The following TINAG variants were observed in gnomAD, a reference collection of about 807,000 sequenced individuals.
The protein encoded by TINAG is tubulointerstitial nephritis antigen.
Under a neutral mutation model 72.7 loss-of-function variants are expected in TINAG, and 83 were observed. The ratio of observed to expected loss-of-function variants is 1.14; its 90% CI spans 0.96 to 1.37. TINAG has a LOEUF of 1.37. Ranked by LOEUF, TINAG falls within the 40% of genes most tolerant of loss-of-function variation. The pLI is 0.00. For missense variants in TINAG, 685 were observed against 576.6 expected (o/e 1.19, Z -1.93); for synonymous variants, 234 against 189.9 (o/e 1.23, Z -1.91).
At chr6:54,338,223 G>A (rs1029236243) in intron 4 of TINAG, among the ~76,000 whole-genome samples, 1 of 152,102 alleles carries the variant, frequency 6.6e-6, no homozygotes, top group Non-Finnish European at 1.5e-5. Flanking sequence ...ACTATGGCTT[G>A]AACAACACAG....
intron 10 of TINAG, among the ~76,000 whole-genome samples, chr6:54,386,412 G>A (rs1409319404): frequency 2.0e-5 from 3 of 152,118 alleles, no homozygotes; most frequent in Non-Finnish European, 1.5e-5. Context: ...CCTTTCTGGA[G>A]CTTACAGCCC....
chr6:54,353,831 T>C (rs1025751793), intron 8 of TINAG, among the ~76,000 whole-genome samples: 4 of 151,840 alleles, frequency 2.6e-5, no homozygotes, highest in African/African-American at 9.7e-5. Context: ...TTCAAATTCA[T>C]ATCTTCTATA....
intron 5 of TINAG, among the ~76,000 whole-genome samples, chr6:54,344,186 A>G (rs974793818): frequency 1.5e-4 from 23 of 152,212 alleles, no homozygotes; most frequent in African/African-American, 5.5e-4. Flanking sequence ...GTGAACAAGT[A>G]CATAGGCTGT....
At chr6:54,333,281 T>C (rs1377401635) in intron 4 of TINAG, among the ~76,000 whole-genome samples, 1 of 152,134 alleles carries the variant, frequency 6.6e-6, no homozygotes, top group Admixed American at 6.6e-5. Flanking sequence ...TGGAATACTA[T>C]GCAGCCATAA....
chr6:54,354,887 G>A (rs1265503213), intron 9 of TINAG, among the ~76,000 whole-genome samples: 2 of 151,636 alleles, frequency 1.3e-5, no homozygotes, highest in African/African-American at 2.4e-5. Context: ...CCGTTCTAAG[G>A]GCAAAGAACA....
intron 4 of TINAG, among the ~76,000 whole-genome samples, chr6:54,336,329 A>G (rs184850448): frequency 6.6e-6 from 1 of 152,156 alleles, no homozygotes; most frequent in Non-Finnish European, 1.5e-5. Flanking sequence ...AGGCAAGTTA[A>G]TGTGGTAAGG....
chr6:54,387,331 T>G (rs1427818206), intron 10 of TINAG, among the ~76,000 whole-genome samples: 1 of 152,186 alleles, frequency 6.6e-6, no homozygotes, highest in Non-Finnish European at 1.5e-5. Flanking sequence ...CCGCTACTTA[T>G]GTTCATCATG....
At chr6:54,385,818 G>C (rs1428232257) in intron 10 of TINAG, among the ~76,000 whole-genome samples, 1 of 144,446 alleles carries the variant, frequency 6.9e-6, no homozygotes, top group Non-Finnish European at 1.5e-5. Context: ...TTGGTTTCAA[G>C]TACTAAAATC....
chr6:54,338,029 C>G (rs949710428), intron 4 of TINAG, among the ~76,000 whole-genome samples: 6 of 152,196 alleles, frequency 3.9e-5, no homozygotes, highest in African/African-American at 1.4e-4. Flanking sequence ...TTTACTACTT[C>G]TGTCTCTCTC....
At position 54,389,918 on chromosome 6, in the gene TINAG, A is replaced by T; in HGVS notation, c.1424A>T (p.Glu475Val). 6.2e-7 allele frequency: 1 copy of T among 1,610,066 alleles called. No individual in the cohort carries two copies. Among genetic ancestry groups the T allele is most frequent in the Non-Finnish European group, 8.5e-7 (1 of 1,178,578 alleles). Residue 475 changes from glutamate (E) to valine (V), a missense_variant, in exon 11 of 11, where the codon GAA (glutamate) becomes GTA (valine). Glu to Val is a moderately radical substitution (Grantham distance 121, BLOSUM62 -2). Transcript: ENST00000259782. ...AAWGQLTSSD[E>V]P is the part of the protein sequence containing the mutation. The stretch of plus-strand genomic sequence containing the variant: ...TGGGGCCAACTGACGAGTTCTGATG[A>T]ACCATAACATATCATTAAATTTCCA...
At chr6:54,311,527 A>C (rs1784258321) in intron 1 of TINAG, among the ~76,000 whole-genome samples, 1 of 152,220 alleles carries the variant, frequency 6.6e-6, no homozygotes, top group Non-Finnish European at 1.5e-5. Flanking sequence ...CGTCTCTAAC[A>C]ATTAGTATTA....
In TINAG at chr6:54,354,533, G is replaced by T. The variant is rs750850534; in HGVS notation, c.1147G>T (p.Asp383Tyr). 1.9e-5 allele frequency: 31 copies of T among 1,605,912 alleles called. No homozygotes were observed. Among genetic ancestry groups the T allele is most frequent in the African/African-American group, 2.7e-5 (2 of 74,324 alleles). Residue 383 changes from aspartate to tyrosine, a missense_variant, in exon 9 of 11, where the codon GAT becomes TAT. Physicochemically the swap from Asp to Tyr is radical, Grantham distance 160. Coordinates refer to ENST00000259782, the MANE Select transcript of TINAG (RefSeq NM_014464.4). ...PVQAIMQVRE[D>Y]FFHYKTGIYR... ...TTTAGCCATAATGCAAGTCCGTGAA[G>T]ATTTCTTCCATTATAAGACAGGGAT...
chr6:54,343,751 AAC>A (rs10558705), intron 5 of TINAG, among the ~76,000 whole-genome samples: 12,461 of 152,042 alleles, frequency 0.082, 889 homozygotes, highest in East Asian at 0.29. Context: ...GATTTGCAAA[AAC>A]AGTTATTAAT....
intron 4 of TINAG, among the ~76,000 whole-genome samples, chr6:54,333,959 C>T (rs1784802898): frequency 6.6e-6 from 1 of 152,142 alleles, no homozygotes; most frequent in African/African-American, 2.4e-5. Context: ...TGGCAAACTC[C>T]TTTGTAAAAT....
chr6:54,368,228 CAT>C lies in TINAG; in HGVS notation c.1251-12295_1251-12294del, dbSNP rs761372351. Among the ~76,000 whole-genome samples the C allele has an allele frequency of 1.1e-4, 16 of 147,112 alleles. No homozygotes were observed. In the South Asian group the frequency reaches 2.1e-3, roughly 19 times the overall value. ...ATATATTATACTAAATATTATGTTA[CAT>C]ATGTTATAATATACAACATATAATA... On this transcript the variant is annotated intron_variant, in intron 9 of 10. Coordinates refer to ENST00000259782, the MANE Select transcript of TINAG (RefSeq NM_014464.4).
At chr6:54,320,669 G>T in intron 2 of TINAG, 27 bp downstream of exon 2, 1 of 1,553,552 alleles carries the variant, frequency 6.4e-7, no homozygotes, top group South Asian at 1.2e-5. Flanking sequence ...GCACAGAACT[G>T]AGTTCTACTG....
At chr6:54,369,285 A>T (rs1346338668) in intron 9 of TINAG, among the ~76,000 whole-genome samples, 3 of 151,900 alleles carry the variant, frequency 2.0e-5, no homozygotes, top group African/African-American at 7.2e-5. Flanking sequence ...TGATAGTGAA[A>T]ATTAGTATAA....
Position 54,327,671 on chromosome 6 carries a change from C to T in TINAG, c.624+755C>T, listed in dbSNP as rs994095791. On this transcript the variant is annotated intron_variant, in intron 4 of 10. Transcript: ENST00000259782. ...AAGTGGTCTGGCTCAGCATATCCCA[C>T]CCCCGCAGAGCCCAGCAAACTAAGA... Among the ~76,000 whole-genome samples, 6 of 152,064 alleles carry T rather than the reference C, an allele frequency of 3.9e-5. 1 individual carries two copies. Among genetic ancestry groups the T allele is most frequent in the Non-Finnish European group, 8.8e-5 (6 of 68,020 alleles).
At chr6:54,360,533 ATGCCCATTAGAATT>A (rs1279285972) in intron 9 of TINAG, among the ~76,000 whole-genome samples, 1 of 151,614 alleles carries the variant, frequency 6.6e-6, no homozygotes, top group Non-Finnish European at 1.5e-5. Context: ...CCACATCTCC[ATGCCCATTAGAATT>A]TGCCCTGTGT....
Sources: allele counts gnomAD v4.1 joint callset (sites outside exome capture counted in the v4.1 genomes callset), GRCh38; gene constraint gnomAD v4.1.1; transcripts MANE v1.5; gene names NCBI Gene and HGNC (gene_info 2026-07-23, HGNC 2026-07-21).